The following MNS1 variants were observed in gnomAD, a reference collection of about 807,000 sequenced individuals.
MNS1 encodes the protein meiosis-specific nuclear structural protein 1.
MNS1 carries 63 observed loss-of-function variants against 72.0 expected under a neutral mutation model. That is an observed-to-expected ratio of 0.87 (90% CI 0.71 to 1.08). The LOEUF is 1.08. MNS1 is among the 50% of genes least tolerant of loss of function. The pLI is 0.00. For missense variants in MNS1, 604 were observed against 562.4 expected (o/e 1.07, Z -0.75); for synonymous variants, 188 against 172.1 (o/e 1.09, Z -0.72).
intron 3 of MNS1, among the ~76,000 whole-genome samples, chr15:56,452,233 CAGCAA>C (rs1266345601): frequency 6.6e-6 from 1 of 152,096 alleles, no homozygotes; most frequent in East Asian, 1.9e-4. Context: ...AAACGAAACA[CAGCAA>C]AATTGGCAAA....
chr15:56,459,371 ATCTGGGTTTCTACTT>A (rs1408134790), intron 2 of MNS1, among the ~76,000 whole-genome samples: 5 of 152,188 alleles, frequency 3.3e-5, no homozygotes, highest in Non-Finnish European at 7.4e-5. Flanking sequence ...GCTGACTGGC[ATCTGGGTTTCTACTT>A]TCTGGGTGTC....
At position 56,434,346 on chromosome 15, in the gene MNS1, A is replaced by C; in HGVS notation, c.1061T>G (p.Phe354Cys). 1 of 1,613,442 alleles carries C rather than the reference A, an allele frequency of 6.2e-7. No homozygotes were observed. The highest frequency in any genetic ancestry group is 8.5e-7 in the Non-Finnish European group (1 of 1,179,744). The change falls in exon 8 of 10, where the codon TTT (phenylalanine) becomes TGT (cysteine). Residue 354 changes from phenylalanine to cysteine, a missense_variant. By Grantham distance (205) the Phe-to-Cys change is radical. Coordinates refer to ENST00000260453, the MANE Select transcript of MNS1 (RefSeq NM_018365.4). ...LRKQKEMKQD[F>C]EEQMALKELV... is the part of the protein sequence containing the mutation. The stretch of plus-strand genomic sequence containing the variant: ...TTCCTTCAAGGCCATTTGTTCTTCA[A>C]AATCTTGCTTCATCTCTTTTTGCTT...
chr15:56,461,989 T>TG (rs1567155358), intron 2 of MNS1, among the ~76,000 whole-genome samples: 3 of 84,790 alleles, frequency 3.5e-5, no homozygotes, highest in African/African-American at 3.7e-5. Flanking sequence ...TTTTTTTTTT[T>TG]TTTTTTTTTT....
intron 4 of MNS1, among the ~76,000 whole-genome samples, chr15:56,446,196 T>C (rs1296322585): frequency 1.3e-5 from 2 of 152,046 alleles, no homozygotes; most frequent in East Asian, 3.9e-4. Flanking sequence ...TATGTATGTG[T>C]ATATAAACAT....
intron 2 of MNS1, among the ~76,000 whole-genome samples, chr15:56,456,955 C>T (rs1224928006): frequency 1.3e-5 from 2 of 152,114 alleles, no homozygotes; most frequent in Non-Finnish European, 2.9e-5. Flanking sequence ...GTCATCAACA[C>T]GTCTAATTAA....
intron 3 of MNS1, among the ~76,000 whole-genome samples, chr15:56,450,926 CT>C (rs2050942990): frequency 6.6e-6 from 1 of 152,092 alleles, no homozygotes; most frequent in Non-Finnish European, 1.5e-5. Context: ...TTAAAATTGC[CT>C]ATTAGATGTG....
intron 2 of MNS1, among the ~76,000 whole-genome samples, chr15:56,460,214 CAATTT>C (rs1347975515): frequency 6.6e-6 from 1 of 150,918 alleles, no homozygotes; most frequent in Non-Finnish European, 1.5e-5. Context: ...CATATTATAG[CAATTT>C]AATTAGTTGC....
Position 56,446,821 on chromosome 15 carries a change from A to T in MNS1, c.456+20T>A. ...TTTTCTAAATGAAGCTAAAAACATA[A>T]TGACCAGAAACATGATTACCATTTG... On this transcript the variant is annotated intron_variant, in intron 4 of 9. Transcript: ENST00000260453. The T allele has an allele frequency of 6.5e-7, 1 of 1,548,472 alleles. No individual in the cohort carries two copies. Among genetic ancestry groups the T allele is most frequent in the Non-Finnish European group, 8.9e-7 (1 of 1,128,826 alleles).
At chr15:56,440,482 T>C (rs1480701059) in intron 7 of MNS1, among the ~76,000 whole-genome samples, 1 of 152,092 alleles carries the variant, frequency 6.6e-6, no homozygotes, top group East Asian at 1.9e-4. Flanking sequence ...TGCAGAGAAA[T>C]GAAAATTGAT....
At chr15:56,444,332 G>T in intron 5 of MNS1, 112 bp downstream of exon 5, 2 of 800,910 alleles carry the variant, frequency 2.5e-6, no homozygotes, top group Non-Finnish European at 3.8e-6. Context: ...AGTATTTATT[G>T]AGCACTTACT....
At chr15:56,447,954 C>T (rs2050920127) in intron 3 of MNS1, among the ~76,000 whole-genome samples, 1 of 152,132 alleles carries the variant, frequency 6.6e-6, no homozygotes, top group African/African-American at 2.4e-5. Flanking sequence ...CAAATACATC[C>T]ATTTATTGCA....
chr15:56,444,725 G>T, intron 4 of MNS1, 52 bp from the exon 5 acceptor site: 1 of 1,394,616 alleles, frequency 7.2e-7, no homozygotes, highest in Non-Finnish European at 1.0e-6. Flanking sequence ...AACATAGTAC[G>T]ATAGTATATT....
At chr15:56,431,550 A>C (rs2050596835) in intron 8 of MNS1, 52 bp from the exon 9 acceptor site, 1 of 1,592,374 alleles carries the variant, frequency 6.3e-7, no homozygotes, top group Middle Eastern at 1.9e-4. Flanking sequence ...ATCTTATACG[A>C]AGTTTTCAAA....
intron 7 of MNS1, among the ~76,000 whole-genome samples, chr15:56,437,856 C>A (rs2050754786): frequency 6.7e-6 from 1 of 149,684 alleles, no homozygotes; most frequent in Admixed American, 6.6e-5. Context: ...TGAGTGAACT[C>A]GATTCACAAT....
At chr15:56,438,597 G>A (rs1454593894) in intron 7 of MNS1, among the ~76,000 whole-genome samples, 3 of 152,120 alleles carry the variant, frequency 2.0e-5, no homozygotes, top group Non-Finnish European at 4.4e-5. Context: ...AGGACTTCAT[G>A]TCTAAAACAC....
At chr15:56,435,314 T>A (rs2050703307) in intron 7 of MNS1, among the ~76,000 whole-genome samples, 1 of 151,488 alleles carries the variant, frequency 6.6e-6, no homozygotes, top group Non-Finnish European at 1.5e-5. Context: ...AGGAAAAACA[T>A]AATAAAACTG....
chr15:56,451,453 T>G (rs1567153086), intron 3 of MNS1, among the ~76,000 whole-genome samples: 2 of 152,168 alleles, frequency 1.3e-5, no homozygotes, highest in African/African-American at 2.4e-5. Context: ...CCAAATTTCT[T>G]ATAAAATTGG....
In MNS1 at chr15:56,464,162, G is replaced by C. The variant is rs778826624; in HGVS notation, c.89C>G (p.Ala30Gly). ...GATTTGACTGTTGACGTTTTTTAGA[G>C]CTTGGACATGTAATTTTTTGCAGTA... The part of the protein sequence containing the change: ...ENYCKKLHVQ[A>G]LKNVNSQIRN... The change falls in exon 2 of 10, where the codon GCT becomes GGT. Residue 30 changes from alanine to glycine, a missense_variant. Physicochemically the swap from Ala to Gly is moderately conservative, Grantham distance 60 (BLOSUM62 0). Transcript: ENST00000260453. 21 of 1,613,696 alleles carry C rather than the reference G, an allele frequency of 1.3e-5. No homozygotes were observed. Among genetic ancestry groups the C allele is most frequent in the Admixed American group, 5.0e-5 (3 of 59,992 alleles).
At position 56,446,935 on chromosome 15, in the gene MNS1, A is replaced by C; in HGVS notation, c.362T>G (p.Leu121Arg). 6.2e-7 allele frequency: 1 copy of C among 1,606,802 alleles called. No individual in the cohort carries two copies. The highest frequency in any genetic ancestry group is 8.5e-7 in the Non-Finnish European group (1 of 1,178,012). ...RQQVRENSIE[L>R]RELEKKLKAA... Reference sequence around the variant, plus strand: ...TTTTAATTTCTTCTCCAATTCTCTAAGCTCAATGCTGTTTAAAAAAACAAA... The same window carrying C: ...TTTTAATTTCTTCTCCAATTCTCTACGCTCAATGCTGTTTAAAAAAACAAA... Residue 121 changes from leucine (L) to arginine (R), a missense_variant, in exon 4 of 10, where the codon CTT (leucine) becomes CGT (arginine). Physicochemically the swap from Leu to Arg is moderately radical, Grantham distance 102. Coordinates refer to ENST00000260453, the MANE Select transcript of MNS1 (RefSeq NM_018365.4).
Sources: allele counts gnomAD v4.1 joint callset (sites outside exome capture counted in the v4.1 genomes callset), GRCh38; gene constraint gnomAD v4.1.1; transcripts MANE v1.5; gene names NCBI Gene and HGNC (gene_info 2026-07-23, HGNC 2026-07-21).